Variants in DLG2 observed in about 807,000 individuals in gnomAD.
DLG2 encodes the protein disks large homolog 2.
A neutral mutation model predicts 132.5 loss-of-function variants in DLG2; 45 were observed. The observed-to-expected ratio is 0.34, with a 90% confidence interval of 0.27 to 0.44. The LOEUF (loss-of-function observed/expected upper bound fraction) is 0.44, where lower values mean the gene tolerates loss of function less well. DLG2 is among the 20% of genes least tolerant of loss of function. DLG2 has a pLI of 1.00. For synonymous variants in DLG2, 424 were observed against 419.6 expected (o/e 1.01, Z -0.13); for missense variants, 1,045 against 1,196.9 (o/e 0.87, Z 1.87).
chr11:84,498,556 A>T (rs1462304414), intron 7 of DLG2, among the ~76,000 whole-genome samples: 5 of 152,170 alleles, frequency 3.3e-5, no homozygotes, highest in Non-Finnish European at 7.3e-5. Flanking sequence ...ACTACAACTC[A>T]AAACCAAAAA....
At chr11:84,799,534 C>T (rs2075109839) in intron 6 of DLG2, among the ~76,000 whole-genome samples, 1 of 152,198 alleles carries the variant, frequency 6.6e-6, no homozygotes, top group South Asian at 2.1e-4. Context: ...TGTATGTAGA[C>T]AGCTGTTAAA....
intron 8 of DLG2, among the ~76,000 whole-genome samples, chr11:84,169,128 T>C (rs1202713361): frequency 6.6e-6 from 1 of 152,188 alleles, no homozygotes; most frequent in Non-Finnish European, 1.5e-5. Context: ...AGAATAGTAC[T>C]AAAAATAGTT....
chr11:84,401,830 C>G (rs1277954028), intron 7 of DLG2, among the ~76,000 whole-genome samples: 2 of 152,148 alleles, frequency 1.3e-5, no homozygotes, highest in African/African-American at 4.8e-5. Flanking sequence ...CTACAGGCGC[C>G]TGCCACCACA....
chr11:83,753,653 AATAT>A (rs200927175), intron 18 of DLG2, among the ~76,000 whole-genome samples: 1 of 139,634 alleles, frequency 7.2e-6, no homozygotes, highest in Non-Finnish European at 1.5e-5. Flanking sequence ...TATATCAATA[AATAT>A]ATATATATTT....
intron 6 of DLG2, among the ~76,000 whole-genome samples, chr11:84,872,721 C>A (rs1309788056): frequency 6.6e-6 from 1 of 152,206 alleles, no homozygotes; most frequent in Non-Finnish European, 1.5e-5. Context: ...CATAGTCTCA[C>A]ATTTTTAAAC....
At chr11:85,382,434 G>A (rs147928787) in intron 3 of DLG2, among the ~76,000 whole-genome samples, 21 of 151,882 alleles carry the variant, frequency 1.4e-4, no homozygotes, top group South Asian at 6.3e-4. Flanking sequence ...AATATTAAGC[G>A]TAAACCTCAT....
intron 7 of DLG2, among the ~76,000 whole-genome samples, chr11:84,370,739 G>A (rs537567500): frequency 7.9e-5 from 12 of 152,234 alleles, no homozygotes; most frequent in South Asian, 4.1e-4. Context: ...AGGTCTCTGC[G>A]TTATAGGTTC....
chr11:83,919,756 T>C (rs925881968), intron 15 of DLG2, among the ~76,000 whole-genome samples: 2 of 152,192 alleles, frequency 1.3e-5, no homozygotes, highest in African/African-American at 4.8e-5. Context: ...TTTAGTCCAA[T>C]CTTTGTACCC....
chr11:84,327,581 T>C (rs1387024229), intron 7 of DLG2, among the ~76,000 whole-genome samples: 2 of 152,184 alleles, frequency 1.3e-5, no homozygotes, highest in Non-Finnish European at 2.9e-5. Context: ...TTCTTTTGCA[T>C]ATCTTCTATA....
At chr11:83,486,324 C>A in intron 21 of DLG2, 2 of 622,506 alleles carry the variant, frequency 3.2e-6, no homozygotes, top group Non-Finnish European at 5.7e-6. Context: ...AGACATTTAA[C>A]TTCAACATCA....
At chr11:84,525,457 AAT>A (rs1478115569) in intron 7 of DLG2, among the ~76,000 whole-genome samples, 3 of 152,040 alleles carry the variant, frequency 2.0e-5, no homozygotes, top group African/African-American at 7.2e-5. Context: ...TTCTATATGT[AAT>A]ATGTCTCAAT....
intron 7 of DLG2, among the ~76,000 whole-genome samples, chr11:84,401,957 T>A (rs987994138): frequency 6.6e-6 from 1 of 152,220 alleles, no homozygotes; most frequent in African/African-American, 2.4e-5. Context: ...GAAACTGATA[T>A]GAATTTCAAG....
intron 4 of DLG2, among the ~76,000 whole-genome samples, chr11:85,204,966 A>G (rs2081761241): frequency 6.6e-6 from 1 of 152,108 alleles, no homozygotes; most frequent in African/African-American, 2.4e-5. Flanking sequence ...TGCTGAGAAA[A>G]GTGGATATCC....
chr11:84,324,559 A>T (rs1053404980), intron 7 of DLG2, among the ~76,000 whole-genome samples: 6 of 151,998 alleles, frequency 3.9e-5, no homozygotes, highest in Non-Finnish European at 7.4e-5. Flanking sequence ...GATTTTTTTT[A>T]AATTTTCCTG....
intron 20 of DLG2, among the ~76,000 whole-genome samples, chr11:83,533,177 CTTT>C (rs2095800614): frequency 1.3e-5 from 2 of 152,014 alleles, no homozygotes; most frequent in Admixed American, 6.6e-5. Context: ...CCTTTTTCTT[CTTT>C]GTTTTTCCTT....
At chr11:85,611,335 C>A (rs1162619973) in intron 2 of DLG2, among the ~76,000 whole-genome samples, 5 of 152,014 alleles carry the variant, frequency 3.3e-5, no homozygotes, top group Admixed American at 3.3e-4. Flanking sequence ...CAGACAACTG[C>A]CTACTTAGAT....
chr11:85,217,316 T>TCACACACACACACACACA (rs71895547), intron 4 of DLG2, among the ~76,000 whole-genome samples: 3 of 138,290 alleles, frequency 2.2e-5, no homozygotes, highest in Non-Finnish European at 4.6e-5. Context: ...TCTCTCTCTC[T>TCACACACACACACACACA]CTCACACACA....
intron 9 of DLG2, among the ~76,000 whole-genome samples, chr11:84,137,998 T>C (rs969584362): frequency 2.0e-5 from 3 of 152,170 alleles, no homozygotes; most frequent in Admixed American, 2.0e-4. Context: ...AAAATTATAA[T>C]ACTATGTGAA....
chr11:84,161,121 T>A (rs1169812414), intron 9 of DLG2, among the ~76,000 whole-genome samples: 1 of 152,142 alleles, frequency 6.6e-6, no homozygotes. Context: ...GCTGAGGCAG[T>A]GGCATGGAGT....
Sources: allele counts gnomAD v4.1 joint callset (sites outside exome capture counted in the v4.1 genomes callset), GRCh38; gene constraint gnomAD v4.1.1; transcripts MANE v1.5; gene names NCBI Gene and HGNC (gene_info 2026-07-23, HGNC 2026-07-21).